NCKAP5: variants seen among roughly 807,000 people sequenced by gnomAD.
NCKAP5 encodes NCK associated protein 5.
A neutral mutation model predicts 167.0 loss-of-function variants in NCKAP5; 92 were observed. The observed-to-expected ratio is 0.55, with a 90% CI of 0.47 to 0.66. The LOEUF (loss-of-function observed/expected upper bound fraction) is 0.66, where lower values mean the gene tolerates loss of function less well. NCKAP5 is among the 30% of genes least tolerant of loss of function. NCKAP5 has a pLI of 0.00. For missense variants in NCKAP5, 2,378 were observed against 2,315.0 expected (o/e 1.03, Z -0.56); for synonymous variants, 891 against 877.4 (o/e 1.02, Z -0.27).
the NCKAP5 span, among the ~76,000 whole-genome samples, chr2:133,614,910 C>T: frequency 4.6e-5 from 7 of 152,140 alleles, no homozygotes; most frequent in Non-Finnish European, 7.4e-5. Flanking sequence ...AAAGGTCGGG[C>T]TACCCTCAAA....
At chr2:133,614,173 C>A in the NCKAP5 span, among the ~76,000 whole-genome samples, 1 of 152,158 alleles carries the variant, frequency 6.6e-6, no homozygotes. Flanking sequence ...AAACTGTGAG[C>A]CCGCTTGCTT....
intron 3 of NCKAP5, among the ~76,000 whole-genome samples, chr2:133,314,886 C>G (rs551972865): frequency 1.3e-5 from 2 of 152,116 alleles, no homozygotes; most frequent in Non-Finnish European, 2.9e-5. Flanking sequence ...CGGAACTAAC[C>G]GAGGTGGCTA....
the NCKAP5 span, among the ~76,000 whole-genome samples, chr2:133,596,559 G>A: frequency 3.9e-5 from 6 of 152,208 alleles, no homozygotes; most frequent in African/African-American, 1.2e-4. Flanking sequence ...CACTGGATGT[G>A]GGGGATACAG....
intron 3 of NCKAP5, among the ~76,000 whole-genome samples, chr2:133,475,000 G>A (rs564413791): frequency 6.6e-6 from 1 of 152,106 alleles, no homozygotes; most frequent in African/African-American, 2.4e-5. Context: ...TGGTAGAGCT[G>A]TGGTTTCACC....
intron 3 of NCKAP5, among the ~76,000 whole-genome samples, chr2:133,364,147 C>A (rs1685301879): frequency 6.6e-6 from 1 of 152,050 alleles, no homozygotes; most frequent in East Asian, 1.9e-4. Context: ...TTCAGGAAAA[C>A]TAACAGACTT....
intron 6 of NCKAP5, among the ~76,000 whole-genome samples, chr2:133,103,597 C>A (rs2081587723): frequency 6.6e-6 from 1 of 152,108 alleles, no homozygotes; most frequent in Non-Finnish European, 1.5e-5. Flanking sequence ...AGATCCAAAC[C>A]AGCCTGGTGA....
chr2:133,372,494 T>C (rs572943862), intron 3 of NCKAP5, among the ~76,000 whole-genome samples: 9 of 152,334 alleles, frequency 5.9e-5, no homozygotes, highest in Middle Eastern at 3.4e-3. Flanking sequence ...AAATCCCATG[T>C]TTCTTTTTCC....
intron 5 of NCKAP5, among the ~76,000 whole-genome samples, chr2:133,158,561 A>G (rs2083665474): frequency 6.6e-6 from 1 of 152,180 alleles, no homozygotes; most frequent in Non-Finnish European, 1.5e-5. Flanking sequence ...ACTAGCATCC[A>G]GGTGTCCTAT....
intron 3 of NCKAP5, among the ~76,000 whole-genome samples, chr2:133,464,412 T>A (rs947697687): frequency 1.4e-5 from 2 of 141,994 alleles, no homozygotes; most frequent in Non-Finnish European, 3.0e-5. Context: ...ATAAATGGGC[T>A]GGGAGTGGTG....
chr2:133,181,466 A>G (rs987066306), intron 5 of NCKAP5, among the ~76,000 whole-genome samples: 1 of 152,094 alleles, frequency 6.6e-6, no homozygotes, highest in African/African-American at 2.4e-5. Context: ...ATTGTAATAC[A>G]TCAATAATTC....
At chr2:133,389,423 A>T (rs1006635207) in intron 3 of NCKAP5, among the ~76,000 whole-genome samples, 77 of 152,304 alleles carry the variant, frequency 5.1e-4, no homozygotes, top group African/African-American at 1.8e-3. Context: ...TGCCAACTAC[A>T]TAGGTACCTG....
Position 133,457,188 on chromosome 2 carries a change from A to G in NCKAP5, c.69+60270T>C, listed in dbSNP as rs112677428. On this transcript the variant is annotated intron_variant, in intron 3 of 19. Transcript: ENST00000409261. Reference sequence around the variant, plus strand: ...GGAGACAGGGGAAATTGGATTAAATAGTTTCTGATGGCTTTATCCAGGCTA... The same window carrying G: ...GGAGACAGGGGAAATTGGATTAAATGGTTTCTGATGGCTTTATCCAGGCTA... 4.1e-3 allele frequency among the ~76,000 whole-genome samples: 630 copies of G among 152,330 alleles called. 5 individuals carry two copies. The highest frequency in any genetic ancestry group is 7.1e-3 in the Non-Finnish European group (486 of 68,016).
intron 17 of NCKAP5, among the ~76,000 whole-genome samples, chr2:132,729,936 T>C (rs1690823837): frequency 6.6e-6 from 1 of 152,168 alleles, no homozygotes; most frequent in African/African-American, 2.4e-5. Flanking sequence ...AATGTACACA[T>C]TTGAATTGGC....
chr2:132,823,410 C>G lies in NCKAP5; in HGVS notation c.808-26681G>C, dbSNP rs182729819. On this transcript the variant is annotated intron_variant, in intron 11 of 19. Coordinates refer to ENST00000409261, the MANE Select transcript of NCKAP5 (RefSeq NM_207363.3). Reference sequence around the variant, plus strand: ...GGGTCCAATCTTCAGCCTCCTGAAACAAAATAATTGTCAGCCAAGGAATGT... The same window carrying G: ...GGGTCCAATCTTCAGCCTCCTGAAAGAAAATAATTGTCAGCCAAGGAATGT... 3.3e-5 allele frequency among the ~76,000 whole-genome samples: 5 copies of G among 152,146 alleles called. No individual in the cohort carries two copies. In the East Asian group the frequency reaches 5.8e-4, roughly 18 times the overall value.
intron 4 of NCKAP5, chr2:133,268,780 A>G (rs1176002870): frequency 6.6e-6 from 1 of 152,176 alleles, no homozygotes; most frequent in Non-Finnish European, 1.5e-5. Context: ...GATTTTACAG[A>G]ATTTTTATGA....
chr2:133,531,931 C>T (rs1488449595), intron 2 of NCKAP5, among the ~76,000 whole-genome samples: 1 of 152,134 alleles, frequency 6.6e-6, no homozygotes. Context: ...AGTTGTAGCC[C>T]CATTCCCCTA....
chr2:132,799,292 G>A (rs1037350364), intron 11 of NCKAP5, among the ~76,000 whole-genome samples: 1 of 151,824 alleles, frequency 6.6e-6, no homozygotes, highest in South Asian at 2.1e-4. Flanking sequence ...AAACTACTTA[G>A]TGGGTACTAT....
chr2:132,784,211 T>A lies in NCKAP5; in HGVS notation c.2600A>T (p.Lys867Ile). The change falls in exon 14 of 20, where the codon AAA becomes ATA. Residue 867 changes from lysine to isoleucine, a missense_variant. Transcript: ENST00000409261. ...FELRSDPHIP[K>I]HSAQLPHSSR... is the part of the protein sequence containing the mutation. ...GCTGTGCGGAAGTTGGGCGGAATGT[T>A]TTGGAATGTGTGGATCTGATCGTAA... 1 of 1,578,504 alleles carries A rather than the reference T, an allele frequency of 6.3e-7. No individual in the cohort carries two copies. Among genetic ancestry groups the A allele is most frequent in the Non-Finnish European group, 8.6e-7 (1 of 1,164,422 alleles).
chr2:133,197,585 T>C (rs929692957), intron 5 of NCKAP5, among the ~76,000 whole-genome samples: 1 of 151,980 alleles, frequency 6.6e-6, no homozygotes, highest in African/African-American at 2.4e-5. Flanking sequence ...AACCCCAAGA[T>C]GACACAGATG....
Sources: allele counts gnomAD v4.1 joint callset (sites outside exome capture counted in the v4.1 genomes callset), GRCh38; gene constraint gnomAD v4.1.1; transcripts MANE v1.5; gene names NCBI Gene and HGNC (gene_info 2026-07-23, HGNC 2026-07-21).